Variants in NUBPL observed in about 807,000 individuals in gnomAD.
The protein encoded by NUBPL is iron-sulfur cluster transfer protein NUBPL.
Under a neutral mutation model 45.7 loss-of-function variants are expected in NUBPL, and 31 were observed. The ratio of observed to expected loss-of-function variants is 0.68; its 90% confidence interval spans 0.51 to 0.92. NUBPL has a LOEUF of 0.92. Among genes scored for constraint, NUBPL ranks in the 40% least tolerant of loss-of-function variants. NUBPL has a pLI of 0.00. For missense variants in NUBPL, 401 were observed against 398.7 expected (o/e 1.01, Z -0.05); for synonymous variants, 144 against 140.9 (o/e 1.02, Z -0.15).
At chr14:31,644,059 A>G (rs4981870) in intron 4 of NUBPL, among the ~76,000 whole-genome samples, 151,843 of 152,124 alleles carry the variant, frequency 1, 75,782 homozygotes, top group Middle Eastern at 1. Flanking sequence ...CTAGCTAAAG[A>G]TTTGTCAATT....
chr14:31,734,961 T>C (rs1015696613), intron 6 of NUBPL, among the ~76,000 whole-genome samples: 1 of 152,200 alleles, frequency 6.6e-6, no homozygotes, highest in Non-Finnish European at 1.5e-5. Context: ...CCATGCTAAC[T>C]CTAGGCCCAA....
intron 7 of NUBPL, among the ~76,000 whole-genome samples, chr14:31,788,939 G>T (rs1421365986): frequency 6.6e-6 from 1 of 152,118 alleles, no homozygotes; most frequent in Non-Finnish European, 1.5e-5. Flanking sequence ...TATTTTTTAG[G>T]CAGAACATGA....
chr14:31,634,732 A>G (rs1348507259), intron 4 of NUBPL, among the ~76,000 whole-genome samples: 1 of 151,794 alleles, frequency 6.6e-6, no homozygotes, highest in East Asian at 1.9e-4. Flanking sequence ...CTATTTCTCC[A>G]CATCCTCTCC....
chr14:31,698,450 A>G (rs911440822), intron 6 of NUBPL, among the ~76,000 whole-genome samples: 2 of 151,460 alleles, frequency 1.3e-5, no homozygotes, highest in Non-Finnish European at 2.9e-5. Flanking sequence ...TGCCCTCATC[A>G]CTGACTTTAT....
chr14:31,722,149 A>G (rs2037823921), intron 6 of NUBPL, among the ~76,000 whole-genome samples: 1 of 152,066 alleles, frequency 6.6e-6, no homozygotes, highest in African/African-American at 2.4e-5. Flanking sequence ...GGTGCCTGCC[A>G]CCATGCCCAG....
Position 31,836,031 on chromosome 14 carries a change from C to A in NUBPL, c.693+9317C>A, listed in dbSNP as rs192738626. On this transcript the variant is annotated intron_variant, in intron 8 of 10. Coordinates refer to ENST00000281081, the MANE Select transcript of NUBPL (RefSeq NM_025152.3). ...GCTTAAAAATCTTGCTTGTTACTTA[C>A]CTGTATCTGGGTTTAAAATGTGAAA... 8.1e-4 allele frequency among the ~76,000 whole-genome samples: 124 copies of A among 152,246 alleles called. No homozygotes were observed. The Middle Eastern group carries it at 0.014, about 17-fold the overall frequency.
intron 6 of NUBPL, among the ~76,000 whole-genome samples, chr14:31,758,504 C>T (rs561642089): frequency 3.9e-5 from 6 of 152,118 alleles, no homozygotes; most frequent in South Asian, 2.1e-4. Context: ...CTGCATTTTC[C>T]GTAATTAATG....
intron 6 of NUBPL, among the ~76,000 whole-genome samples, chr14:31,680,739 G>C (rs1007687370): frequency 6.6e-6 from 1 of 151,994 alleles, no homozygotes; most frequent in African/African-American, 2.4e-5. Flanking sequence ...AATAATTGCT[G>C]TATTACTTAT....
intron 8 of NUBPL, among the ~76,000 whole-genome samples, chr14:31,839,880 A>C (rs746855050): frequency 6.6e-6 from 1 of 152,276 alleles, no homozygotes; most frequent in Middle Eastern, 3.4e-3. Flanking sequence ...GCAAATCAAA[A>C]CCACAATGAG....
chr14:31,818,556 T>C (rs2039963466), intron 7 of NUBPL, among the ~76,000 whole-genome samples: 1 of 152,188 alleles, frequency 6.6e-6, no homozygotes, highest in African/African-American at 2.4e-5. Context: ...GTTTTCTTTT[T>C]TTCTTTTTGA....
chr14:31,644,179 G>C (rs906610625), intron 4 of NUBPL, among the ~76,000 whole-genome samples: 1 of 151,844 alleles, frequency 6.6e-6, no homozygotes, highest in South Asian at 2.1e-4. Context: ...CTTCCCTTCT[G>C]TTAATTTTGG....
chr14:31,825,818 C>CCTT (rs561284735), intron 7 of NUBPL, among the ~76,000 whole-genome samples: 3 of 149,870 alleles, frequency 2.0e-5, no homozygotes, highest in African/African-American at 4.9e-5. Context: ...TCCTCCTCCT[C>CCTT]CTTCTTCTTC....
In NUBPL at chr14:31,696,432, C is replaced by T. The variant is rs560964035; in HGVS notation, c.513+22858C>T. Among the ~76,000 whole-genome samples the T allele has an allele frequency of 3.7e-4, 56 of 152,314 alleles. 1 individual carries two copies. The highest frequency in any genetic ancestry group is 1.2e-3 in the African/African-American group (50 of 41,554). Reference sequence around the variant, plus strand: ...CTAGCTATTTCCTCACAGTGGCTCTCTCCTTTGTCAAGGTTATGCTTCTTT... The same window carrying T: ...CTAGCTATTTCCTCACAGTGGCTCTTTCCTTTGTCAAGGTTATGCTTCTTT... On this transcript the variant is annotated intron_variant, in intron 6 of 10. Transcript: ENST00000281081.
chr14:31,726,088 G>A (rs1219320708), intron 6 of NUBPL, among the ~76,000 whole-genome samples: 1 of 152,156 alleles, frequency 6.6e-6, no homozygotes, highest in East Asian at 1.9e-4. Context: ...GTTGGTAAAT[G>A]TTATGGCCTT....
At chr14:31,620,447 C>G (rs957207980) in intron 4 of NUBPL, among the ~76,000 whole-genome samples, 1 of 152,108 alleles carries the variant, frequency 6.6e-6, no homozygotes. Flanking sequence ...TGTTAGTGTC[C>G]TTTGCATGGG....
chr14:31,568,842 A>G (rs1005502256), intron 3 of NUBPL, among the ~76,000 whole-genome samples: 1 of 152,196 alleles, frequency 6.6e-6, no homozygotes, highest in Non-Finnish European at 1.5e-5. Flanking sequence ...TTTACTTTTC[A>G]TGTTGTACTT....
At chr14:31,804,004 C>T (rs1172509332) in intron 7 of NUBPL, among the ~76,000 whole-genome samples, 2 of 152,052 alleles carry the variant, frequency 1.3e-5, no homozygotes, top group Non-Finnish European at 2.9e-5. Context: ...AGGGATTCTC[C>T]CACCTTAGCC....
intron 4 of NUBPL, among the ~76,000 whole-genome samples, chr14:31,603,051 G>T (rs1002846712): frequency 6.6e-6 from 1 of 151,918 alleles, no homozygotes; most frequent in African/African-American, 2.4e-5. Flanking sequence ...GGCTCACATG[G>T]CTGTAATCCC....
intron 6 of NUBPL, among the ~76,000 whole-genome samples, chr14:31,743,074 G>A (rs566453506): frequency 6.6e-6 from 1 of 152,014 alleles, no homozygotes; most frequent in Admixed American, 6.5e-5. Flanking sequence ...TTACTTATAG[G>A]GAGCTGGGTC....
Sources: gnomAD v4.1 joint callset for allele counts (sites outside exome capture counted in the v4.1 genomes callset) on GRCh38, gnomAD v4.1.1 for gene constraint, MANE v1.5 for transcripts, NCBI Gene and HGNC (gene_info 2026-07-23, HGNC 2026-07-21) for gene names.